EYA1: variants seen among roughly 807,000 people sequenced by gnomAD.
EYA1 encodes the protein protein phosphatase EYA1.
In EYA1, 16 loss-of-function variants were observed where a neutral mutation model predicts 82.0. The ratio of observed to expected loss-of-function variants is 0.20; its 90% CI spans 0.13 to 0.30. EYA1 has a LOEUF of 0.30. Ranked by LOEUF, EYA1 falls within the 10% of genes least tolerant of loss-of-function variation. The pLI, the probability that EYA1 is intolerant of heterozygous loss-of-function variation, is 1.00. For synonymous variants in EYA1, 261 were observed against 264.4 expected (o/e 0.99, Z 0.12); for missense variants, 633 against 730.7 (o/e 0.87, Z 1.54).
chr8:71,324,352 G>A (rs186051779), intron 4 of EYA1, among the ~76,000 whole-genome samples: 2 of 152,184 alleles, frequency 1.3e-5, no homozygotes. Context: ...CCTAGGTTCT[G>A]GAATCAGAAT....
intron 9 of EYA1, among the ~76,000 whole-genome samples, chr8:71,290,744 G>C (rs1018025036): frequency 6.6e-6 from 1 of 151,768 alleles, no homozygotes; most frequent in Admixed American, 6.6e-5. Flanking sequence ...AAAACAAAGA[G>C]TGAACTTTAT....
intron 12 of EYA1, among the ~76,000 whole-genome samples, chr8:71,217,758 A>T (rs538290649): frequency 1.3e-5 from 2 of 152,262 alleles, no homozygotes; most frequent in East Asian, 3.9e-4. Flanking sequence ...TGAGTTTATT[A>T]TGGCATAATG....
intron 2 of EYA1, among the ~76,000 whole-genome samples, chr8:71,380,695 C>G (rs1466865363): frequency 6.6e-6 from 1 of 152,210 alleles, no homozygotes; most frequent in South Asian, 2.1e-4. Flanking sequence ...AACTAGCTGT[C>G]CCATAGGCAC....
chr8:71,295,973 T>A (rs1819553235), intron 9 of EYA1, among the ~76,000 whole-genome samples: 3 of 152,156 alleles, frequency 2.0e-5, no homozygotes, highest in Admixed American at 2.0e-4. Flanking sequence ...AGAGTAGGCA[T>A]GAGTAGGCAA....
chr8:71,439,369 A>G (rs570404678), intron 2 of EYA1, among the ~76,000 whole-genome samples: 3 of 152,156 alleles, frequency 2.0e-5, no homozygotes, highest in African/African-American at 7.2e-5. Flanking sequence ...TATAAGTTGG[A>G]GGTGGGGGTA....
At chr8:71,491,345 C>T (rs1322118709) in intron 2 of EYA1, among the ~76,000 whole-genome samples, 1 of 152,132 alleles carries the variant, frequency 6.6e-6, no homozygotes, top group African/African-American at 2.4e-5. Context: ...ACAGGAACTC[C>T]TCATTCTGAT....
At chr8:71,285,196 T>C (rs1818232783) in intron 9 of EYA1, among the ~76,000 whole-genome samples, 1 of 152,228 alleles carries the variant, frequency 6.6e-6, no homozygotes, top group Non-Finnish European at 1.5e-5. Flanking sequence ...GGGGATGCAA[T>C]TTAATAGCAC....
At chr8:71,290,393 T>C (rs1156610312) in intron 9 of EYA1, among the ~76,000 whole-genome samples, 1 of 152,194 alleles carries the variant, frequency 6.6e-6, no homozygotes, top group Non-Finnish European at 1.5e-5. Context: ...ATGTAACAGT[T>C]TTTCAAATAA....
chr8:71,416,349 T>G (rs1261919456), intron 2 of EYA1, among the ~76,000 whole-genome samples: 1 of 152,250 alleles, frequency 6.6e-6, no homozygotes, highest in African/African-American at 2.4e-5. Context: ...CCTGCCTATG[T>G]CTGTGTAAAC....
At chr8:71,417,276 CA>C (rs964479623) in intron 2 of EYA1, among the ~76,000 whole-genome samples, 1 of 152,162 alleles carries the variant, frequency 6.6e-6, no homozygotes, top group Non-Finnish European at 1.5e-5. Context: ...AGAGCTCTGA[CA>C]AATACAACCC....
chr8:71,503,278 G>T (rs551683336), intron 2 of EYA1, among the ~76,000 whole-genome samples: 1 of 152,244 alleles, frequency 6.6e-6, no homozygotes, highest in African/African-American at 2.4e-5. Flanking sequence ...GGTGGATCAC[G>T]AGGTCAAGGG....
At chr8:71,201,282 T>G (rs1806973819) in intron 17 of EYA1, among the ~76,000 whole-genome samples, 1 of 150,576 alleles carries the variant, frequency 6.6e-6, no homozygotes, top group African/African-American at 2.5e-5. Flanking sequence ...ACACAGAGGT[T>G]TAAATAAATA....
intron 2 of EYA1, among the ~76,000 whole-genome samples, chr8:71,474,577 T>A (rs1010265088): frequency 1.3e-5 from 2 of 152,166 alleles, no homozygotes; most frequent in Non-Finnish European, 2.9e-5. Flanking sequence ...ACTCACAATC[T>A]TACTAAGCTA....
chr8:71,330,808 C>T (rs1333539779), intron 4 of EYA1, among the ~76,000 whole-genome samples: 2 of 152,122 alleles, frequency 1.3e-5, no homozygotes, highest in African/African-American at 4.8e-5. Flanking sequence ...AGATAGCCTT[C>T]ATCCAAATTC....
chr8:71,227,515 C>T (rs537052346), intron 12 of EYA1, among the ~76,000 whole-genome samples: 6 of 152,172 alleles, frequency 3.9e-5, no homozygotes, highest in South Asian at 2.1e-4. Context: ...TTTTCTGCAA[C>T]GGCTTTCTTT....
At chr8:71,402,232 G>A (rs1477531409) in intron 2 of EYA1, among the ~76,000 whole-genome samples, 3 of 152,184 alleles carry the variant, frequency 2.0e-5, no homozygotes, top group Non-Finnish European at 4.4e-5. Context: ...CCAGACCTCA[G>A]TTAGAGGCAG....
chr8:71,452,459 A>G (rs1049094317), intron 2 of EYA1, among the ~76,000 whole-genome samples: 12 of 152,204 alleles, frequency 7.9e-5, no homozygotes, highest in African/African-American at 2.9e-4. Context: ...CTGAGAATGG[A>G]CAGACTGCCT....
chr8:71,416,606 C>A (rs1830865341), intron 2 of EYA1, among the ~76,000 whole-genome samples: 1 of 152,216 alleles, frequency 6.6e-6, no homozygotes, highest in Non-Finnish European at 1.5e-5. Flanking sequence ...TCTGTGCAAT[C>A]TTCCTAGGTG....
intron 3 of EYA1, among the ~76,000 whole-genome samples, chr8:71,335,590 GT>G (rs1309966414): frequency 4.6e-5 from 7 of 152,150 alleles, no homozygotes; most frequent in Admixed American, 4.6e-4. Context: ...TCTGCCAGTT[GT>G]TTTGGGTTTA....
Sources: allele counts gnomAD v4.1 joint callset (sites outside exome capture counted in the v4.1 genomes callset), GRCh38; gene constraint gnomAD v4.1.1; transcripts MANE v1.5; gene names NCBI Gene and HGNC (gene_info 2026-07-23, HGNC 2026-07-21).